ELAVL3: variants seen among roughly 807,000 people sequenced by gnomAD.
ELAVL3 encodes the protein ELAV-like protein 3.
Under a neutral mutation model 34.2 loss-of-function variants are expected in ELAVL3, and 8 were observed. That is an observed-to-expected ratio of 0.23 (90% CI 0.14 to 0.42). The LOEUF (loss-of-function observed/expected upper bound fraction) is 0.42. ELAVL3 is among the 10% of genes least tolerant of loss of function. The pLI is 1.00. For missense variants in ELAVL3, 273 were observed against 518.8 expected, an observed-to-expected ratio of 0.53 and a Z score of 4.60; for synonymous variants, 209 against 222.1, an observed-to-expected ratio of 0.94 and a Z score of 0.53.
intron 1 of ELAVL3, among the ~76,000 whole-genome samples, chr19:11,479,677 G>A (rs1206894754): frequency 6.6e-6 from 1 of 151,546 alleles, no homozygotes; most frequent in African/African-American, 2.4e-5. Flanking sequence ...GGGCGTGCCC[G>A]GGCGTGGCCA....
Position 11,480,698 on chromosome 19 carries a change from C to T in ELAVL3, c.-90G>A. On this transcript the variant is annotated 5_prime_UTR_variant, in exon 1 of 7. Transcript: ENST00000359227. This position sits in a 1 kb window ranked among gnomAD's most constrained non-coding sequence, Gnocchi z 6.8. Reference sequence around the variant, plus strand: ...GGGCGCCCGATGCTCACGCTGGGGTCCCGCCCGGGCGGCCTCTGGTGCGGC... The same window carrying T: ...GGGCGCCCGATGCTCACGCTGGGGTTCCGCCCGGGCGGCCTCTGGTGCGGC... The T allele has an allele frequency of 7.9e-7, 1 of 1,267,176 alleles. No individual in the cohort carries two copies. Among genetic ancestry groups the T allele is most frequent in the East Asian group, 2.8e-5 (1 of 35,338 alleles). The allele number at this position is 1,267,176 out of a possible 1,614,324, so 78.5% of individuals were successfully genotyped here.
Position 11,454,548 on chromosome 19 carries a change from G to C in ELAVL3, c.1082C>G (p.Thr361Ser). 1.2e-6 allele frequency: 2 copies of C among 1,611,722 alleles called. No homozygotes were observed. Among genetic ancestry groups the C allele is most frequent in the Admixed American group, 1.7e-5 (1 of 59,984 alleles). Residue 361 changes from threonine to serine, a missense_variant, in exon 7 of 7, where the codon ACC (threonine) becomes AGC (serine). By Grantham distance (58) the Thr-to-Ser change is moderately conservative. Coordinates refer to ENST00000359227, the MANE Select transcript of ELAVL3 (RefSeq NM_001420.4). This position sits in a 1 kb window ranked among gnomAD's most constrained non-coding sequence, Gnocchi z 9.2. ...GGCTCACGCCTTGTGCTGTTTGCTG[G>C]TCTTGAAGGAGACCTGCAGCACGCG... ...GERVLQVSFKTSKQHKA is the reference protein window; with the variant it reads ...GERVLQVSFKSSKQHKA
intron 1 of ELAVL3, among the ~76,000 whole-genome samples, chr19:11,478,175 C>T (rs189826020): frequency 4.3e-4 from 66 of 152,240 alleles, no homozygotes; most frequent in Middle Eastern, 3.4e-3. Context: ...ACTCCTGATC[C>T]GATGACCCTA....
At chr19:11,472,278 G>A (rs557566283) in intron 1 of ELAVL3, among the ~76,000 whole-genome samples, 23 of 152,318 alleles carry the variant, frequency 1.5e-4, no homozygotes, top group Admixed American at 4.6e-4. Context: ...CCCAGGAGGC[G>A]GAGGTTGCAG....
rs960824920 is a variant in ELAVL3 at position 11,458,419 on chromosome 19, C to A, written c.487+39G>T. The A allele has an allele frequency of 1.9e-6, 3 of 1,612,476 alleles. No individual in the cohort carries two copies. The African/African-American group carries it at 4.0e-5, about 22-fold the overall frequency. On this transcript the variant is annotated intron_variant, in intron 4 of 6. Coordinates refer to ENST00000359227, the MANE Select transcript of ELAVL3 (RefSeq NM_001420.4). The surrounding 1 kb of genome is among the most constrained non-coding windows in gnomAD (Gnocchi z 7.3). Reference sequence around the variant, plus strand: ...TTGGTCCCACCTGACTGCCTTTGCCCAGCGCCCCCGCCAGGTGCACCCTCC... The same window carrying A: ...TTGGTCCCACCTGACTGCCTTTGCCAAGCGCCCCCGCCAGGTGCACCCTCC...
intron 5 of ELAVL3, 43 bp from the exon 6 acceptor site, chr19:11,457,191 G>A (rs1568378574): frequency 3.3e-6 from 5 of 1,534,086 alleles, no homozygotes; most frequent in Middle Eastern, 2.2e-4. Flanking sequence ...TTCCAGTCAC[G>A]CCCCCCTGCT....
Position 11,466,654 on chromosome 19 carries a change from G to A in ELAVL3, c.183C>T (p.Ser61=). The A allele has an allele frequency of 6.2e-7, 1 of 1,614,222 alleles. No individual in the cohort carries two copies. The highest frequency in any genetic ancestry group is 8.5e-7 in the Non-Finnish European group (1 of 1,180,038). ...TQDEFKSLFG[S]IGDIESCKLV... is the part of the protein sequence containing the mutation. The stretch of plus-strand genomic sequence containing the variant: ...ACTTGCAGGACTCGATGTCGCCAAT[G>A]CTGCCGAAGAGACTCTTGAACTCAT... The change falls in exon 2 of 7, where the codon AGC becomes AGT. Residue 61 remains serine, a synonymous_variant. Coordinates refer to ENST00000359227, the MANE Select transcript of ELAVL3 (RefSeq NM_001420.4). The surrounding 1 kb of genome is among the most constrained non-coding windows in gnomAD (Gnocchi z 5.0).
At position 11,466,847 on chromosome 19, in the gene ELAVL3, T is replaced by C. The variant is rs752107700; in HGVS notation, c.10-20A>G. Reference sequence around the variant, plus strand: ...TATCTGCTGGAGATAACAGGTCGCATCCGCTCACCGCCCAGTCCCCACACC... The same window carrying C: ...TATCTGCTGGAGATAACAGGTCGCACCCGCTCACCGCCCAGTCCCCACACC... On this transcript the variant is annotated intron_variant, in intron 1 of 6. Transcript: ENST00000359227. This position sits in a 1 kb window ranked among gnomAD's most constrained non-coding sequence, Gnocchi z 5.0. 11 of 1,567,346 alleles carry C rather than the reference T, an allele frequency of 7.0e-6. No homozygotes were observed. Among genetic ancestry groups the C allele is most frequent in the Non-Finnish European group, 9.5e-6 (11 of 1,154,512 alleles).
intron 6 of ELAVL3, among the ~76,000 whole-genome samples, chr19:11,456,668 T>A (rs1970774393): frequency 6.6e-6 from 1 of 151,770 alleles, no homozygotes; most frequent in Non-Finnish European, 1.5e-5. Flanking sequence ...CCCAGCCACA[T>A]TTTTTAATTT....
rs1163864872 is a variant in ELAVL3 at position 11,451,599 on chromosome 19, G to A, written c.*2927C>T. On this transcript the variant is annotated 3_prime_UTR_variant, in exon 7 of 7. Transcript: ENST00000359227. ...TAACAGGATGAAGGGAGGGGTGGAGGGGCTGAGCCCCCTCCCCCCTGGCCT... is the reference window on the plus strand; with the variant it reads ...TAACAGGATGAAGGGAGGGGTGGAGAGGCTGAGCCCCCTCCCCCCTGGCCT... The A allele has an allele frequency of 1.3e-5, 2 of 151,388 alleles. No homozygotes were observed. Among genetic ancestry groups the A allele is most frequent in the African/African-American group, 2.4e-5 (1 of 41,236 alleles). The allele number at this position is 151,388 out of a possible 1,614,324, so 9.4% of individuals were successfully genotyped here. A position where few individuals can be genotyped will look rare whatever the true frequency, so the allele number is the denominator to read the frequency against.
intron 1 of ELAVL3, among the ~76,000 whole-genome samples, chr19:11,468,860 A>T (rs562592559): frequency 3.3e-4 from 50 of 152,194 alleles, no homozygotes; most frequent in Admixed American, 2.2e-3. Flanking sequence ...AGACTTTTTT[A>T]AAAAAGGATG....
intron 1 of ELAVL3, among the ~76,000 whole-genome samples, chr19:11,479,901 G>GGAGACCCGGGAGCCC (rs1335141412): frequency 6.6e-6 from 1 of 151,688 alleles, no homozygotes; most frequent in Non-Finnish European, 1.5e-5. Flanking sequence ...CCCGGGGGGC[G>GGAGACCCGGGAGCCC]GAGACCCGGG....
chr19:11,452,805 A>G lies in ELAVL3; in HGVS notation c.*1721T>C, dbSNP rs1599523157. 6.6e-6 allele frequency: 1 copy of G among 150,600 alleles called. No homozygotes were observed. Among genetic ancestry groups the G allele is most frequent in the Admixed American group, 6.6e-5 (1 of 15,090 alleles). The allele number at this position is 150,600 out of a possible 1,614,324, so 9.3% of individuals were successfully genotyped here. ...GGTGGGGAGCGGTGCGAGGGCTCCCAGGGGCTCCGGCCTGTGGCTTCTGTT... is the reference window on the plus strand; with the variant it reads ...GGTGGGGAGCGGTGCGAGGGCTCCCGGGGGCTCCGGCCTGTGGCTTCTGTT... On this transcript the variant is annotated 3_prime_UTR_variant, in exon 7 of 7. Coordinates refer to ENST00000359227, the MANE Select transcript of ELAVL3 (RefSeq NM_001420.4).
At chr19:11,459,628 G>T (rs1047649708) in intron 3 of ELAVL3, among the ~76,000 whole-genome samples, 3 of 150,774 alleles carry the variant, frequency 2.0e-5, no homozygotes, top group African/African-American at 7.4e-5. Flanking sequence ...ACCTAGGCTG[G>T]TATTGAACTT....
rs1395553536 is a variant in ELAVL3 at position 11,454,110 on chromosome 19, G to A, written c.*416C>T. The A allele has an allele frequency of 1.2e-5, 2 of 164,838 alleles. No homozygotes were observed. The highest frequency in any genetic ancestry group is 2.6e-5 in the Non-Finnish European group (2 of 75,732). 10.2% of individuals were successfully genotyped at this position (164,838 alleles called of 1,614,324 possible). ...TTCCTCCTACCCCAGGCCCCACCTA[G>A]GTGCTGGGGAGGCCTGGGCAAGGGG... On this transcript the variant is annotated 3_prime_UTR_variant, in exon 7 of 7. Coordinates refer to ENST00000359227, the MANE Select transcript of ELAVL3 (RefSeq NM_001420.4). This position sits in a 1 kb window ranked among gnomAD's most constrained non-coding sequence, Gnocchi z 9.2.
intron 1 of ELAVL3, among the ~76,000 whole-genome samples, chr19:11,469,564 G>A (rs952669347): frequency 2.0e-5 from 3 of 152,226 alleles, no homozygotes; most frequent in African/African-American, 7.2e-5. Context: ...ACAGGCGTGA[G>A]CCACCGTGCC....
At chr19:11,471,608 G>C (rs1971166076) in intron 1 of ELAVL3, among the ~76,000 whole-genome samples, 1 of 150,772 alleles carries the variant, frequency 6.6e-6, no homozygotes, top group Non-Finnish European at 1.5e-5. Flanking sequence ...GAGAGACTCT[G>C]TCTCAAAAAA....
At chr19:11,457,445 A>G (rs532954649) in intron 5 of ELAVL3, among the ~76,000 whole-genome samples, 65 of 152,130 alleles carry the variant, frequency 4.3e-4, no homozygotes, top group Non-Finnish European at 8.1e-4. Flanking sequence ...GGGAAAGATA[A>G]CTCCTAACAA....
In ELAVL3 at chr19:11,480,434, G is replaced by A. The variant is rs913345545; in HGVS notation, c.9+166C>T. Among the ~76,000 whole-genome samples, 1 of 151,952 alleles carries A rather than the reference G, an allele frequency of 6.6e-6. No homozygotes were observed. Among genetic ancestry groups the A allele is most frequent in the African/African-American group, 2.4e-5 (1 of 41,384 alleles). On this transcript the variant is annotated intron_variant, in intron 1 of 6. Coordinates refer to ENST00000359227, the MANE Select transcript of ELAVL3 (RefSeq NM_001420.4). The surrounding 1 kb of genome is among the most constrained non-coding windows in gnomAD (Gnocchi z 6.8). ...GCTCTAAGCGCCCTCAGCACTCTGG[G>A]CGCGGCCCTGCCCACTCTCAGGCCC...
Sources: allele counts gnomAD v4.1 joint callset (sites outside exome capture counted in the v4.1 genomes callset), GRCh38; gene constraint gnomAD v4.1.1; non-coding constraint Gnocchi (gnomAD v3.1); transcripts MANE v1.5; gene names NCBI Gene and HGNC (gene_info 2026-07-23, HGNC 2026-07-21).